The following TBCK variants were observed in gnomAD, a reference collection of about 807,000 sequenced individuals.
TBCK encodes the protein TBC1 domain containing kinase, also known as TBC domain-containing protein kinase-like protein.
In TBCK, 99 loss-of-function variants were observed where a neutral mutation model predicts 113.4. The observed-to-expected ratio is 0.87, with a 90% CI of 0.74 to 1.03. The LOEUF (loss-of-function observed/expected upper bound fraction) is 1.03, where lower values mean the gene tolerates loss of function less well. Ranked by LOEUF, TBCK falls within the 50% of genes least tolerant of loss-of-function variation. The probability of loss-of-function intolerance (pLI) is 0.00; values close to 1 mark genes in which losing one functional copy is unlikely to be tolerated. For missense variants in TBCK, 1,045 were observed against 1,061.3 expected, an observed-to-expected ratio of 0.98 and a Z score of 0.21; for synonymous variants, 369 against 370.8, an observed-to-expected ratio of 1.00 and a Z score of 0.05.
chr4:106,161,640 C>G (rs764849902), intron 23 of TBCK, among the ~76,000 whole-genome samples: 6 of 151,886 alleles, frequency 4.0e-5, no homozygotes, highest in Non-Finnish European at 8.8e-5. Context: ...GTATTACTAC[C>G]ATGATAACAT....
chr4:106,202,253 A>G (rs1239937409), intron 20 of TBCK, among the ~76,000 whole-genome samples: 1 of 151,918 alleles, frequency 6.6e-6, no homozygotes. Context: ...TGTATAAAAT[A>G]TTTTATTTAT....
rs143508191 is a variant in TBCK, at chr4:106,153,908, A to G, written c.2235+17187T>C. 2.3e-3 allele frequency among the ~76,000 whole-genome samples: 348 copies of G among 151,470 alleles called. 2 individuals are homozygous for G. Among genetic ancestry groups the G allele is most frequent in the African/African-American group, 8.2e-3 (334 of 40,958 alleles). ...CTTTTTTGGTTTCCATTGGCATGCA[A>G]TATCTTTTTCCATCCCCTTATTTTT... On this transcript the variant is annotated intron_variant, in intron 23 of 25. Coordinates refer to ENST00000394708, the MANE Select transcript of TBCK (RefSeq NM_001163435.3).
intron 3 of TBCK, among the ~76,000 whole-genome samples, chr4:106,269,754 C>T (rs763095798): frequency 1.3e-4 from 19 of 151,954 alleles, no homozygotes; most frequent in Non-Finnish European, 2.8e-4. Flanking sequence ...AAAATAGAAC[C>T]CTGTAAGTCT....
intron 19 of TBCK, among the ~76,000 whole-genome samples, chr4:106,225,387 T>G (rs1327602135): frequency 6.6e-6 from 1 of 152,220 alleles, no homozygotes; most frequent in Non-Finnish European, 1.5e-5. Flanking sequence ...TGAGAGGTCT[T>G]TTAATTATAA....
At chr4:106,093,406 C>T (rs541061704) in intron 25 of TBCK, among the ~76,000 whole-genome samples, 5 of 152,214 alleles carry the variant, frequency 3.3e-5, no homozygotes, top group Non-Finnish European at 5.9e-5. Flanking sequence ...ACTCGGGAGG[C>T]TGAGGCAGGA....
At chr4:106,120,028 T>A in intron 23 of TBCK, among the ~76,000 whole-genome samples, 1 of 152,038 alleles carries the variant, frequency 6.6e-6, no homozygotes, top group South Asian at 2.1e-4. Context: ...AGAAGATGGG[T>A]GATTTCTGCA....
chr4:106,120,817 C>T (rs1040778964), intron 23 of TBCK, among the ~76,000 whole-genome samples: 1 of 152,124 alleles, frequency 6.6e-6, no homozygotes, highest in Non-Finnish European at 1.5e-5. Flanking sequence ...CCCATCTGTA[C>T]ATCACCATCA....
In TBCK at chr4:106,212,358, A is replaced by C. The variant is rs180853539; in HGVS notation, c.1860+392T>G. Among the ~76,000 whole-genome samples, 764 of 152,284 alleles carry C rather than the reference A, an allele frequency of 5.0e-3. 4 individuals are homozygous for C. Among genetic ancestry groups the C allele is most frequent in the African/African-American group, 0.018 (735 of 41,576 alleles). ...CTTGATGTGGACTACAGAGAAAAGA[A>C]AACCCAAAATCTATCTAAGCTCCCA... On this transcript the variant is annotated intron_variant, in intron 20 of 25. Transcript: ENST00000394708.
At chr4:106,054,083 A>G (rs569467176) in intron 25 of TBCK, among the ~76,000 whole-genome samples, 2 of 151,876 alleles carry the variant, frequency 1.3e-5, no homozygotes, top group Admixed American at 1.3e-4. Context: ...TATAAGACAG[A>G]CATTTCACAT....
intron 14 of TBCK, 95 bp from the exon 15 acceptor site, chr4:106,235,462 T>A: frequency 1.5e-6 from 1 of 683,796 alleles, no homozygotes; most frequent in Non-Finnish European, 2.2e-6. Flanking sequence ...AAAACTTAAG[T>A]GACTTGCAAT....
At chr4:106,121,290 A>C (rs1345843652) in intron 23 of TBCK, among the ~76,000 whole-genome samples, 3 of 151,212 alleles carry the variant, frequency 2.0e-5, no homozygotes, top group African/African-American at 7.3e-5. Context: ...CCATTACATA[A>C]TGGTAAAGGG....
intron 25 of TBCK, among the ~76,000 whole-genome samples, chr4:106,056,036 A>T (rs1663953668): frequency 6.6e-6 from 1 of 151,054 alleles, no homozygotes; most frequent in African/African-American, 2.4e-5. Context: ...CATAAGTGGG[A>T]GGATTCAATA....
At chr4:106,237,518 T>C (rs1381229956) in intron 12 of TBCK, 5 of 455,808 alleles carry the variant, frequency 1.1e-5, no homozygotes, top group Non-Finnish European at 2.2e-5. Flanking sequence ...AACTTCCAAC[T>C]TGAAGGCAGA....
chr4:106,183,032 G>A (rs556038644), intron 22 of TBCK, among the ~76,000 whole-genome samples: 16 of 152,148 alleles, frequency 1.1e-4, no homozygotes, highest in African/African-American at 3.9e-4. Context: ...TATTACTTAA[G>A]AGAGAATTCT....
chr4:106,061,587 A>G (rs1357217345), intron 25 of TBCK, among the ~76,000 whole-genome samples: 2 of 151,430 alleles, frequency 1.3e-5, no homozygotes, highest in African/African-American at 4.8e-5. Context: ...TGTGTGATGC[A>G]TTTTATTGCC....
At chr4:106,211,672 G>T (rs1434097231) in intron 20 of TBCK, among the ~76,000 whole-genome samples, 2 of 151,690 alleles carry the variant, frequency 1.3e-5, no homozygotes, top group East Asian at 3.9e-4. Flanking sequence ...TATAGTTTTA[G>T]GAAGTTTTTA....
At chr4:106,063,325 A>C (rs1438977285) in intron 25 of TBCK, among the ~76,000 whole-genome samples, 1 of 151,922 alleles carries the variant, frequency 6.6e-6, no homozygotes, top group Non-Finnish European at 1.5e-5. Context: ...TCTTTAACTA[A>C]ATGCTTAAGG....
At chr4:106,052,170 G>A (rs1578753418) in intron 25 of TBCK, among the ~76,000 whole-genome samples, 1 of 151,702 alleles carries the variant, frequency 6.6e-6, no homozygotes, top group Non-Finnish European at 1.5e-5. Flanking sequence ...GTAACAATTA[G>A]GCAGTGGTTG....
intron 19 of TBCK, among the ~76,000 whole-genome samples, chr4:106,219,987 A>C (rs751222636): frequency 1.3e-5 from 2 of 152,214 alleles, no homozygotes; most frequent in Admixed American, 6.5e-5. Flanking sequence ...AAATTTTTAA[A>C]GTTTTTAGCT....
Sources: gnomAD v4.1 joint callset for allele counts (sites outside exome capture counted in the v4.1 genomes callset) on GRCh38, gnomAD v4.1.1 for gene constraint, MANE v1.5 for transcripts, NCBI Gene and HGNC (gene_info 2026-07-23, HGNC 2026-07-21) for gene names.